RBFOX2: variants seen among roughly 807,000 people sequenced by gnomAD.
The protein encoded by RBFOX2 is RNA binding protein fox-1 homolog 2.
In RBFOX2, 10 loss-of-function variants were observed where a neutral mutation model predicts 49.1. The ratio of observed to expected loss-of-function variants is 0.20; its 90% CI spans 0.13 to 0.35. The LOEUF (loss-of-function observed/expected upper bound fraction) is 0.35. Ranked by LOEUF, RBFOX2 falls within the 10% of genes least tolerant of loss-of-function variation. The probability of loss-of-function intolerance (pLI) is 1.00; values close to 1 mark genes in which losing one functional copy is unlikely to be tolerated. For synonymous variants in RBFOX2, 183 were observed against 187.4 expected (o/e 0.98, Z 0.19); for missense variants, 323 against 486.9 (o/e 0.66, Z 3.17).
At position 35,980,144 on chromosome 22, in the gene RBFOX2, A is replaced by G. The variant is rs149731049; in HGVS notation, c.187-41247T>C. The stretch of plus-strand genomic sequence containing the variant: ...TAAAAGATAACATTTGAGATGTATA[A>G]AAAAAATAGACCAAAGGCCACAACG... On this transcript the variant is annotated intron_variant, in intron 1 of 13. Coordinates refer to the RBFOX2 transcript ENST00000438146. Among the ~76,000 whole-genome samples the G allele has an allele frequency of 4.2e-4, 64 of 152,202 alleles. No individual in the cohort carries two copies. The East Asian group carries it at 0.012, about 28-fold the overall frequency.
chr22:35,741,794 C>A (rs1448142515), exon 12 of RBFOX2: 1 of 152,656 alleles, frequency 6.6e-6, no homozygotes, highest in Non-Finnish European at 1.5e-5. Flanking sequence ...TCTGTGGGAG[C>A]CGCCTTCTCT....
chr22:35,769,067 T>C (rs1254778414), intron 4 of RBFOX2, among the ~76,000 whole-genome samples: 1 of 152,176 alleles, frequency 6.6e-6, no homozygotes, highest in Non-Finnish European at 1.5e-5. Flanking sequence ...ATGACCAGAT[T>C]GACACTTAGA....
chr22:36,011,758 T>A (rs1447702696), intron 1 of RBFOX2, among the ~76,000 whole-genome samples: 1 of 151,902 alleles, frequency 6.6e-6, no homozygotes, highest in African/African-American at 2.4e-5. Context: ...TAAGAAAATG[T>A]AAAAGGAAGA....
chr22:35,990,516 T>C (rs867121996), intron 1 of RBFOX2, among the ~76,000 whole-genome samples: 4 of 152,132 alleles, frequency 2.6e-5, no homozygotes, highest in Admixed American at 6.5e-5. Context: ...AGAGTCTTAA[T>C]GAGAAAATGA....
chr22:35,856,582 A>T (rs1203277248), intron 1 of RBFOX2, among the ~76,000 whole-genome samples: 1 of 151,918 alleles, frequency 6.6e-6, no homozygotes, highest in Non-Finnish European at 1.5e-5. Context: ...CACCAGGGTA[A>T]GACAGAACTT....
At chr22:35,946,689 A>G (rs960037463) in intron 1 of RBFOX2, among the ~76,000 whole-genome samples, 5 of 152,232 alleles carry the variant, frequency 3.3e-5, no homozygotes, top group African/African-American at 1.2e-4. Context: ...CTATTTAGGA[A>G]TATGTGCTAA....
At chr22:35,835,673 T>G (rs539180734) in intron 1 of RBFOX2, among the ~76,000 whole-genome samples, 23 of 151,768 alleles carry the variant, frequency 1.5e-4, no homozygotes, top group African/African-American at 5.1e-4. Flanking sequence ...AAGGAAAAAA[T>G]AGAGAAGGGG....
chr22:35,911,059 T>A (rs1472224163), intron 1 of RBFOX2, among the ~76,000 whole-genome samples: 2 of 152,200 alleles, frequency 1.3e-5, no homozygotes, highest in Non-Finnish European at 2.9e-5. Flanking sequence ...AAACCCTATT[T>A]ATAGACCTAT....
At chr22:35,903,706 A>G (rs2048830656) in intron 1 of RBFOX2, among the ~76,000 whole-genome samples, 1 of 151,616 alleles carries the variant, frequency 6.6e-6, no homozygotes, top group African/African-American at 2.4e-5. Flanking sequence ...CCCTTCCTTC[A>G]CCCCTCATCC....
At chr22:35,855,799 C>A (rs936076064) in intron 1 of RBFOX2, among the ~76,000 whole-genome samples, 2 of 151,846 alleles carry the variant, frequency 1.3e-5, no homozygotes, top group African/African-American at 4.8e-5. Context: ...CTCAGGCAGG[C>A]GGACTGCCTA....
intron 1 of RBFOX2, among the ~76,000 whole-genome samples, chr22:35,855,418 T>C (rs995354373): frequency 1.3e-5 from 2 of 152,146 alleles, no homozygotes; most frequent in Non-Finnish European, 2.9e-5. Context: ...ATTCACTTTT[T>C]TTTTCTGAGA....
intron 1 of RBFOX2, among the ~76,000 whole-genome samples, chr22:35,915,478 T>C (rs916549859): frequency 6.6e-5 from 10 of 152,212 alleles, no homozygotes; most frequent in African/African-American, 2.4e-4. Flanking sequence ...CAAAATACTT[T>C]TGTTTTATGC....
intron 1 of RBFOX2, among the ~76,000 whole-genome samples, chr22:35,880,486 T>C (rs1603432755): frequency 6.6e-6 from 1 of 152,182 alleles, no homozygotes; most frequent in South Asian, 2.1e-4. Flanking sequence ...GCTAGAGGTA[T>C]ACATTTGAGA....
chr22:35,967,928 C>G (rs1055743370), intron 1 of RBFOX2, among the ~76,000 whole-genome samples: 1 of 151,968 alleles, frequency 6.6e-6, no homozygotes, highest in Admixed American at 6.6e-5. Context: ...ACAATTTTTC[C>G]CAGAATAAAA....
chr22:35,793,119 C>G (rs567878002), intron 2 of RBFOX2, among the ~76,000 whole-genome samples: 165 of 152,338 alleles, frequency 1.1e-3, no homozygotes, highest in Non-Finnish European at 1.9e-3. Context: ...CGCCTGTAAT[C>G]CCAGCACTTT....
At chr22:35,917,614 A>G (rs80147736) in intron 1 of RBFOX2, among the ~76,000 whole-genome samples, 6,880 of 152,230 alleles carry the variant, frequency 0.045, 508 homozygotes, top group African/African-American at 0.16. Flanking sequence ...TGGGGCTCTC[A>G]AGGAATTATA....
At chr22:35,923,711 TC>T (rs753197484) in intron 1 of RBFOX2, among the ~76,000 whole-genome samples, 1 of 151,118 alleles carries the variant, frequency 6.6e-6, no homozygotes, top group Non-Finnish European at 1.5e-5. Flanking sequence ...TTAAAACCCT[TC>T]CCCCCCACCC....
At chr22:35,881,312 A>C (rs1446726088) in intron 1 of RBFOX2, among the ~76,000 whole-genome samples, 1 of 151,772 alleles carries the variant, frequency 6.6e-6, no homozygotes, top group Non-Finnish European at 1.5e-5. Flanking sequence ...ATGGTGGCTC[A>C]CGCCTATAAT....
chr22:35,883,213 T>C (rs1363785308), intron 1 of RBFOX2, among the ~76,000 whole-genome samples: 2 of 152,228 alleles, frequency 1.3e-5, no homozygotes, highest in African/African-American at 4.8e-5. Context: ...AGCAGAATGC[T>C]AGGGGTGTCC....
Sources: allele counts gnomAD v4.1 joint callset (sites outside exome capture counted in the v4.1 genomes callset), GRCh38; gene constraint gnomAD v4.1.1; transcripts MANE v1.5; gene names NCBI Gene and HGNC (gene_info 2026-07-23, HGNC 2026-07-21).